Variants in TCF4 observed in about 807,000 individuals in gnomAD.
TCF4 encodes the protein transcription factor 4, also known as SL3-3 enhancer factor 2.
TCF4 carries 3 observed loss-of-function variants against 82.1 expected under a neutral mutation model. The observed-to-expected ratio is 0.04, with a 90% CI of 0.02 to 0.09. The LOEUF is 0.09. Among genes scored for constraint, TCF4 ranks in the 10% least tolerant of loss-of-function variants. The probability of loss-of-function intolerance (pLI) is 1.00; values close to 1 mark genes in which losing one functional copy is unlikely to be tolerated. For synonymous variants in TCF4, 276 were observed against 309.6 expected (o/e 0.89, Z 1.14); for missense variants, 518 against 852.7 (o/e 0.61, Z 4.89).
chr18:55,319,516 A>G (rs543495415), intron 8 of TCF4, among the ~76,000 whole-genome samples: 2 of 151,950 alleles, frequency 1.3e-5, no homozygotes, highest in African/African-American at 4.8e-5. Flanking sequence ...CCAAATGGCT[A>G]TTTTTTTTCT....
chr18:55,526,099 A>G (rs1324489245), intron 3 of TCF4, among the ~76,000 whole-genome samples: 1 of 152,180 alleles, frequency 6.6e-6, no homozygotes, highest in Non-Finnish European at 1.5e-5. Context: ...TGTGTGTGTC[A>G]TCAGTAGCTA....
chr18:55,536,176 A>G (rs1007898711), intron 3 of TCF4, among the ~76,000 whole-genome samples: 7 of 152,198 alleles, frequency 4.6e-5, no homozygotes, highest in Admixed American at 6.5e-5. Context: ...CATCAATGCT[A>G]ATTTTTTTAA....
At chr18:55,515,815 G>A (rs969973325) in intron 3 of TCF4, among the ~76,000 whole-genome samples, 1 of 152,078 alleles carries the variant, frequency 6.6e-6, no homozygotes. Flanking sequence ...TTGGAGGGGG[G>A]TGGGCGTATT....
chr18:55,466,184 A>G (rs1216219332), intron 3 of TCF4, among the ~76,000 whole-genome samples: 8 of 152,152 alleles, frequency 5.3e-5, no homozygotes, highest in Admixed American at 5.2e-4. Context: ...TAATTGCACA[A>G]AACAGCTCTC....
At chr18:55,589,167 C>CACA (rs2097678164), upstream of TCF4, 3 of 623,206 alleles carry the variant, frequency 4.8e-6, no homozygotes, top group Non-Finnish European at 4.2e-6. Flanking sequence ...AAAATGCATG[C>CACA]ACACACTTTT....
chr18:55,321,843 G>A, intron 8 of TCF4: 1 of 1,483,040 alleles, frequency 6.7e-7, no homozygotes, highest in Admixed American at 2.1e-5. Context: ...TTCCCATATG[G>A]CCGGGCCAAG....
chr18:55,387,322 C>T (rs1166273065), intron 6 of TCF4, among the ~76,000 whole-genome samples: 4 of 152,222 alleles, frequency 2.6e-5, no homozygotes, highest in African/African-American at 9.6e-5. Flanking sequence ...ACAAGGGAGG[C>T]CTTATCAGTC....
chr18:55,450,094 C>T (rs1013723449), intron 5 of TCF4, among the ~76,000 whole-genome samples: 1 of 152,182 alleles, frequency 6.6e-6, no homozygotes, highest in Non-Finnish European at 1.5e-5. Context: ...CATCACAGTG[C>T]TAAAGAAACT....
chr18:55,530,028 C>T (rs988445617), intron 3 of TCF4, among the ~76,000 whole-genome samples: 1 of 152,214 alleles, frequency 6.6e-6, no homozygotes, highest in Non-Finnish European at 1.5e-5. Flanking sequence ...TCAAACCTGA[C>T]TACTCCAAAA....
chr18:55,576,439 G>A (rs1037909730), intron 3 of TCF4, among the ~76,000 whole-genome samples: 5 of 152,008 alleles, frequency 3.3e-5, no homozygotes, highest in African/African-American at 7.2e-5. Context: ...GAAAATAAAC[G>A]GCAACCAAGA....
chr18:55,588,601 C>T (rs1302210713), upstream of TCF4: 3 of 1,507,506 alleles, frequency 2.0e-6, no homozygotes, highest in South Asian at 2.5e-5. Context: ...CTCTTACTCT[C>T]GTTCCCTCTC....
At chr18:55,370,437 A>G (rs969407805) in intron 6 of TCF4, among the ~76,000 whole-genome samples, 1 of 147,756 alleles carries the variant, frequency 6.8e-6, no homozygotes, top group Non-Finnish European at 1.5e-5. Flanking sequence ...TGATAGATAG[A>G]TAGATAGATA....
At chr18:55,352,516 T>C (rs1439014173) in intron 6 of TCF4, among the ~76,000 whole-genome samples, 1 of 152,166 alleles carries the variant, frequency 6.6e-6, no homozygotes, top group Non-Finnish European at 1.5e-5. Flanking sequence ...ACTTCAAGGA[T>C]GAGATTTCAG....
upstream of TCF4, chr18:55,589,510 T>C: frequency 9.5e-7 from 1 of 1,053,228 alleles, no homozygotes; most frequent in South Asian, 4.6e-5. Flanking sequence ...GCAACAAAAT[T>C]CCCTCCCCCA....
intron 2 of TCF4, among the ~76,000 whole-genome samples, chr18:55,615,733 G>T (rs2097711119): frequency 6.6e-6 from 1 of 152,044 alleles, no homozygotes; most frequent in African/African-American, 2.4e-5. Flanking sequence ...GTTAGGAATA[G>T]ATGTTGGAAT....
intron 2 of TCF4, among the ~76,000 whole-genome samples, chr18:55,603,167 C>T (rs2097698936): frequency 6.6e-6 from 1 of 152,102 alleles, no homozygotes; most frequent in Non-Finnish European, 1.5e-5. Context: ...GAAGTATATC[C>T]TGGCCATTAC....
chr18:55,443,253 C>G (rs1218675365), intron 5 of TCF4, among the ~76,000 whole-genome samples: 2 of 152,176 alleles, frequency 1.3e-5, no homozygotes, highest in Admixed American at 6.5e-5. Context: ...GTTCTTAAAA[C>G]TCCCCTGTGA....
chr18:55,523,463 T>C (rs991147502), intron 3 of TCF4, among the ~76,000 whole-genome samples: 6 of 151,958 alleles, frequency 3.9e-5, no homozygotes, highest in South Asian at 2.1e-4. Context: ...AAGAAAAATA[T>C]ATAACAATAA....
rs1380044810 is a variant in TCF4, at chr18:55,222,539, G to A, written c.*5496C>T. ...AGGGCACTTCACATGTGAACCAAATGGCGTTATAACATTTTCCTTCAACTA... is the reference window on the plus strand; with the variant it reads ...AGGGCACTTCACATGTGAACCAAATAGCGTTATAACATTTTCCTTCAACTA... On this transcript the variant is annotated 3_prime_UTR_variant, in exon 20 of 20. Transcript: ENST00000354452. 2.0e-5 allele frequency: 3 copies of A among 151,104 alleles called. No individual in the cohort carries two copies. The highest frequency in any genetic ancestry group is 4.4e-5 in the Non-Finnish European group (3 of 67,826). The allele number at this position is 151,104 out of a possible 1,614,324, so 9.4% of individuals were successfully genotyped here. A position where few individuals can be genotyped will look rare whatever the true frequency, so the allele number is the denominator to read the frequency against.
Sources: allele counts gnomAD v4.1 joint callset (sites outside exome capture counted in the v4.1 genomes callset), GRCh38; gene constraint gnomAD v4.1.1; transcripts MANE v1.5; gene names NCBI Gene and HGNC (gene_info 2026-07-23, HGNC 2026-07-21).